Variants in NXF3 observed in about 807,000 individuals in gnomAD.
NXF3 encodes nuclear RNA export factor 3.
Under a neutral mutation model 48.4 loss-of-function variants are expected in NXF3, and 34 were observed. The observed-to-expected ratio is 0.70, with a 90% CI of 0.53 to 0.93. NXF3 has a LOEUF of 0.93. Among genes scored for constraint, NXF3 ranks in the 40% least tolerant of loss-of-function variants. The pLI is 0.00. For missense variants in NXF3, 359 were observed against 406.1 expected, an observed-to-expected ratio of 0.88 and a Z score of 1.00; for synonymous variants, 132 against 145.7, an observed-to-expected ratio of 0.91 and a Z score of 0.68.
Position 103,082,855 on chromosome X carries a change from A to C in NXF3, c.692-7T>G. 5.0e-6 allele frequency: 6 copies of C among 1,203,360 alleles called. No individual in the cohort carries two copies. Among genetic ancestry groups the C allele is most frequent in the Non-Finnish European group, 5.6e-6 (5 of 887,910 alleles). On this transcript the variant is annotated splice_region_variant and splice_polypyrimidine_tract_variant and intron_variant, in intron 7 of 19. Transcript: ENST00000395065. ...GTATCACGGTTCACCATGTCTCCAG[A>C]AAGCAGAGAGGAGAAAATCAGAAGT...
At chrX:103,088,139 T>A in intron 1 of NXF3, 1 of 995,616 alleles carries the variant, frequency 1.0e-6, no homozygotes, top group Non-Finnish European at 1.4e-6. Context: ...GTTTTCCTGC[T>A]AGAGGTGGCA....
At chrX:103,092,668 T>C (rs1922307613) in intron 1 of NXF3, among the ~76,000 whole-genome samples, 1 of 112,963 alleles carries the variant, frequency 8.9e-6, no homozygotes, top group Admixed American at 9.3e-5. Context: ...CCTTGATAAA[T>C]TTCTGGGGCT....
At position 103,084,734 on chromosome X, in the gene NXF3, T is replaced by G; in HGVS notation, c.178A>C (p.Met60Leu). 1 of 1,211,994 alleles carries G rather than the reference T, an allele frequency of 8.3e-7. No homozygotes were observed. The highest frequency in any genetic ancestry group is 1.8e-5 in the South Asian group (1 of 56,995). ...DGDAAMHGAH[M>L]DSPVRYTPYT... ...ACTTACTATCTTACTGGAGAGTCCATGTGGGCACCATGCATTGCTGCATCT... is the reference window on the plus strand; with the variant it reads ...ACTTACTATCTTACTGGAGAGTCCAGGTGGGCACCATGCATTGCTGCATCT... The change falls in exon 2 of 20, where the codon ATG (methionine) becomes CTG (leucine). Residue 60 changes from methionine (M) to leucine (L), a missense_variant. Transcript: ENST00000395065.
intron 9 of NXF3, 70 bp downstream of exon 9, chrX:103,082,185 C>A: frequency 1.4e-6 from 1 of 691,173 alleles, no homozygotes; most frequent in South Asian, 2.2e-5. Context: ...ACTAGTGCTG[C>A]CTCCTCCTGC....
Position 103,080,192 on chromosome X carries a change from T to C in NXF3, c.952A>G (p.Thr318Ala). Residue 318 changes from threonine (T) to alanine (A), a missense_variant, in exon 11 of 20, where the codon ACT becomes GCT. Coordinates refer to ENST00000395065, the MANE Select transcript of NXF3 (RefSeq NM_022052.2). Reference protein sequence around the residue: ...CLDGQQSPRATLCGTEAHKRL... With the variant: ...CLDGQQSPRAALCGTEAHKRL... ...TTGTGGGCTTCAGTACCACATAAAG[T>C]TGCTCTGGGTGACTGCTGGCCATCC... The C allele has an allele frequency of 8.3e-7, 1 of 1,211,333 alleles. No individual in the cohort carries two copies. The highest frequency in any genetic ancestry group is 1.7e-5 in the African/African-American group (1 of 57,646).
intron 2 of NXF3, 61 bp from the exon 3 acceptor site, chrX:103,084,556 G>C: frequency 8.7e-7 from 1 of 1,154,811 alleles, no homozygotes. Flanking sequence ...ATACACATTT[G>C]ATCCACTGAT....
chrX:103,092,496 CCTCT>C (rs1922304430), intron 1 of NXF3, among the ~76,000 whole-genome samples: 1 of 112,496 alleles, frequency 8.9e-6, no homozygotes, highest in Non-Finnish European at 1.9e-5. Context: ...ATTTAACACA[CCTCT>C]CTGAGTAACA....
intron 1 of NXF3, 122 bp from the exon 2 acceptor site, chrX:103,085,005 C>A: frequency 1.5e-6 from 1 of 667,214 alleles, no homozygotes; most frequent in Non-Finnish European, 2.3e-6. Flanking sequence ...GGCTCTACTG[C>A]CCAGACTGTA....
chrX:103,092,003 A>G (rs1163031653), intron 1 of NXF3, among the ~76,000 whole-genome samples: 16 of 109,405 alleles, frequency 1.5e-4, no homozygotes, highest in East Asian at 8.5e-4. Context: ...AAAAAAAAAA[A>G]AAGAAGAAGA....
At chrX:103,078,787 G>A (rs952776965) in intron 16 of NXF3, among the ~76,000 whole-genome samples, 155 bp from the exon 17 acceptor site, 1 of 112,161 alleles carries the variant, frequency 8.9e-6, no homozygotes, top group Non-Finnish European at 1.9e-5. Flanking sequence ...GTAGGAATGG[G>A]GAGGGCAACA....
At position 103,083,309 on chromosome X, in the gene NXF3, G is replaced by A. The variant is rs1270999719; in HGVS notation, c.541-36C>T. On this transcript the variant is annotated intron_variant, in intron 5 of 19. Coordinates refer to ENST00000395065, the MANE Select transcript of NXF3 (RefSeq NM_022052.2). ...CCCAAGAGGGGCTGAGTAAACACTA[G>A]GAACTCTGACCCCCAAGATCAAGCA... The A allele has an allele frequency of 2.5e-6, 3 of 1,182,721 alleles. No individual in the cohort carries two copies. The African/African-American group carries it at 5.3e-5, about 21-fold the overall frequency.
At position 103,088,958 on chromosome X, in the gene NXF3, G is replaced by C. The variant is rs147173770; in HGVS notation, c.28+4038C>G. 8.9e-4 allele frequency: 1,054 copies of C among 1,178,668 alleles called. 7 individuals are homozygous for C. The African/African-American group carries it at 0.016, about 18-fold the overall frequency. On this transcript the variant is annotated intron_variant, in intron 1 of 19. Coordinates refer to ENST00000395065, the MANE Select transcript of NXF3 (RefSeq NM_022052.2). ...TGTCAGGAGTTAAGGCAGACTCACA[G>C]GATTTTATTCCTGGTAGCACCAGGC...
At chrX:103,089,184 A>G in intron 1 of NXF3, 1 of 698,666 alleles carries the variant, frequency 1.4e-6, no homozygotes. Context: ...TTGTGGCAAA[A>G]CATTCCGACA....
chrX:103,087,295 A>C, intron 1 of NXF3: 1 of 1,191,606 alleles, frequency 8.4e-7, no homozygotes, highest in Non-Finnish European at 1.1e-6. Flanking sequence ...TATTTGCTTC[A>C]AGCACTTTGA....
At chrX:103,078,508 A>T (rs1021327016) in intron 17 of NXF3, 52 bp downstream of exon 17, 4 of 1,207,237 alleles carry the variant, frequency 3.3e-6, no homozygotes, top group Non-Finnish European at 4.5e-6. Context: ...ACATTCCCAC[A>T]CCACTGGCCC....
At chrX:103,089,098 G>A in intron 1 of NXF3, 2 of 973,526 alleles carry the variant, frequency 2.1e-6, no homozygotes, top group Non-Finnish European at 2.9e-6. Flanking sequence ...GTTTGTGCTA[G>A]GAGTTTCTGA....
chrX:103,076,861 T>C (rs775329950), intron 18 of NXF3, among the ~76,000 whole-genome samples: 1 of 107,952 alleles, frequency 9.3e-6, no homozygotes, highest in South Asian at 4.2e-4. Context: ...AGTAACTATC[T>C]TTCCCTACCC....
At chrX:103,077,382 C>A (rs777566503) in intron 18 of NXF3, among the ~76,000 whole-genome samples, 13 of 109,507 alleles carry the variant, frequency 1.2e-4, no homozygotes, top group African/African-American at 4.3e-4. Flanking sequence ...TCCCAAGTAG[C>A]TGGGACTACA....
At chrX:103,087,951 A>G (rs1378909082) in intron 1 of NXF3, 2 of 934,352 alleles carry the variant, frequency 2.1e-6, no homozygotes, top group African/African-American at 1.9e-5. Flanking sequence ...AGAGGCATAC[A>G]GAATATTGCC....
Sources: gnomAD v4.1 joint callset for allele counts (sites outside exome capture counted in the v4.1 genomes callset) on GRCh38, gnomAD v4.1.1 for gene constraint, MANE v1.5 for transcripts, NCBI Gene and HGNC (gene_info 2026-07-23, HGNC 2026-07-21) for gene names.